The following PDLIM5 variants were observed in gnomAD, a reference collection of about 807,000 sequenced individuals.
PDLIM5 encodes PDZ and LIM domain protein 5.
Under a neutral mutation model 64.2 loss-of-function variants are expected in PDLIM5, and 34 were observed. The observed-to-expected ratio is 0.53, with a 90% CI of 0.40 to 0.71. The LOEUF is 0.71. PDLIM5 is among the 30% of genes least tolerant of loss of function. The pLI, the probability that PDLIM5 is intolerant of heterozygous loss-of-function variation, is 0.00. For missense variants in PDLIM5, 683 were observed against 733.6 expected (o/e 0.93, Z 0.80); for synonymous variants, 253 against 269.1 (o/e 0.94, Z 0.59).
intron 2 of PDLIM5, among the ~76,000 whole-genome samples, chr4:94,487,981 A>G (rs1303478088): frequency 2.0e-5 from 3 of 152,200 alleles, no homozygotes; most frequent in African/African-American, 7.2e-5. Context: ...TAAGGACACA[A>G]ATGTTTGAGA....
chr4:94,465,057 G>A (rs549022978), intron 2 of PDLIM5, among the ~76,000 whole-genome samples: 1 of 152,204 alleles, frequency 6.6e-6, no homozygotes, highest in East Asian at 1.9e-4. Context: ...AAATGGGCCC[G>A]TTTAATATAA....
At chr4:94,468,361 C>T (rs1254604296) in intron 2 of PDLIM5, among the ~76,000 whole-genome samples, 2 of 152,052 alleles carry the variant, frequency 1.3e-5, no homozygotes. Flanking sequence ...GCTTTGTTGC[C>T]CAGGCAGGTC....
At chr4:94,539,243 T>C (rs866671847) in intron 3 of PDLIM5, among the ~76,000 whole-genome samples, 2 of 152,172 alleles carry the variant, frequency 1.3e-5, no homozygotes, top group South Asian at 2.1e-4. Context: ...AGAGTACTTA[T>C]ATGTGTCTAT....
intron 2 of PDLIM5, among the ~76,000 whole-genome samples, chr4:94,508,101 A>T (rs1035308317): frequency 2.1e-4 from 31 of 148,234 alleles, no homozygotes; most frequent in Non-Finnish European, 4.0e-4. Context: ...TCTTAGTTTT[A>T]AAAAAGAAAA....
At position 94,661,882 on chromosome 4, in the gene PDLIM5, G is replaced by A. The variant is rs561945386; in HGVS notation, c.1586-540G>A. On this transcript the variant is annotated intron_variant, in intron 11 of 12. Coordinates refer to ENST00000317968, the MANE Select transcript of PDLIM5 (RefSeq NM_006457.5). Reference sequence around the variant, plus strand: ...TGTCACTAGGCTGGAGTGCAGTGGCGCGATCTCAGCTCACTGAAACCTCCA... The same window carrying A: ...TGTCACTAGGCTGGAGTGCAGTGGCACGATCTCAGCTCACTGAAACCTCCA... Among the ~76,000 whole-genome samples, 7 of 150,894 alleles carry A rather than the reference G, an allele frequency of 4.6e-5. No individual in the cohort carries two copies. The South Asian group carries it at 6.3e-4, about 14-fold the overall frequency.
chr4:94,594,510 A>G (rs1736914549), intron 7 of PDLIM5, among the ~76,000 whole-genome samples: 1 of 152,120 alleles, frequency 6.6e-6, no homozygotes, highest in South Asian at 2.1e-4. Flanking sequence ...TATTAATAAT[A>G]GAAAGTTATT....
intron 3 of PDLIM5, among the ~76,000 whole-genome samples, chr4:94,558,849 T>C (rs983466371): frequency 1.3e-5 from 2 of 152,106 alleles, no homozygotes; most frequent in Non-Finnish European, 2.9e-5. Flanking sequence ...GTAAAAAATT[T>C]AATCATAACT....
intron 5 of PDLIM5, among the ~76,000 whole-genome samples, chr4:94,576,292 C>G (rs527969284): frequency 6.6e-6 from 1 of 152,228 alleles, no homozygotes; most frequent in Non-Finnish European, 1.5e-5. Context: ...TTTTGTAAGT[C>G]CCGACACAGC....
rs6833607 is a variant in PDLIM5 at position 94,497,291 on chromosome 4, T to C, written c.97-26433T>C. 5.5e-3 allele frequency among the ~76,000 whole-genome samples: 835 copies of C among 152,342 alleles called. 5 individuals are homozygous for C. The highest frequency in any genetic ancestry group is 0.019 in the African/African-American group (775 of 41,574). On this transcript the variant is annotated intron_variant, in intron 2 of 12. Transcript: ENST00000317968. Reference sequence around the variant, plus strand: ...GCATGTCTTAACAGTAATATACTTATGATCAGTAAAATCTTTCTGCTTAGT... The same window carrying C: ...GCATGTCTTAACAGTAATATACTTACGATCAGTAAAATCTTTCTGCTTAGT...
rs778192621 is a variant in PDLIM5 at position 94,575,852 on chromosome 4, A to G, written c.528A>G (p.Ala176=). The G allele has an allele frequency of 3.7e-6, 6 of 1,614,136 alleles. No individual in the cohort carries two copies. Among genetic ancestry groups the G allele is most frequent in the African/African-American group, 1.3e-5 (1 of 75,014 alleles). ...CCGTCACTCCTCCCCTGTTCGCTGC[A>G]TCTGGACTGCATGCTAATGCCAATC... ...VAAVTPPLFA[A]SGLHANANLS... is the part of the protein sequence containing the mutation. Residue 176 remains alanine (A), a synonymous_variant, in exon 5 of 13, where the codon GCA becomes GCG. Coordinates refer to ENST00000317968, the MANE Select transcript of PDLIM5 (RefSeq NM_006457.5).
intron 3 of PDLIM5, among the ~76,000 whole-genome samples, chr4:94,542,914 A>C (rs2110188712): frequency 6.6e-6 from 1 of 152,330 alleles, no homozygotes; most frequent in South Asian, 2.1e-4. Flanking sequence ...TTACTGGGGC[A>C]CTAAATACAT....
At chr4:94,460,443 G>C (rs1488270610) in intron 2 of PDLIM5, among the ~76,000 whole-genome samples, 1 of 152,040 alleles carries the variant, frequency 6.6e-6, no homozygotes, top group Admixed American at 6.6e-5. Flanking sequence ...GGAGGAAACC[G>C]ATGTAGGGTT....
rs992222906 is a variant in PDLIM5 at position 94,465,009 on chromosome 4, A to G, written c.96+9625A>G. The stretch of plus-strand genomic sequence containing the variant: ...TGAGCTTCCCATTATCTTTTGAATT[A>G]TTACTTAATTTCTCTGGTTGGTTTT... On this transcript the variant is annotated intron_variant, in intron 2 of 12. Coordinates refer to ENST00000317968, the MANE Select transcript of PDLIM5 (RefSeq NM_006457.5). Among the ~76,000 whole-genome samples, 13 of 152,242 alleles carry G rather than the reference A, an allele frequency of 8.5e-5. No individual in the cohort carries two copies. In the East Asian group the frequency reaches 2.5e-3, roughly 29 times the overall value.
intron 5 of PDLIM5, 120 bp from the exon 6 acceptor site, chr4:94,585,443 CTG>C (rs1560721287): frequency 4.8e-6 from 3 of 619,228 alleles, no homozygotes. Context: ...GCAAAGCAAA[CTG>C]TTTATATAAA....
At chr4:94,612,467 T>A (rs1188711387) in intron 7 of PDLIM5, among the ~76,000 whole-genome samples, 1 of 152,198 alleles carries the variant, frequency 6.6e-6, no homozygotes, top group Admixed American at 6.5e-5. Context: ...CTTTGAGTAC[T>A]TGAGTACACT....
chr4:94,605,278 T>A (rs1737822975), intron 7 of PDLIM5, among the ~76,000 whole-genome samples: 2 of 152,164 alleles, frequency 1.3e-5, no homozygotes, highest in Non-Finnish European at 2.9e-5. Flanking sequence ...GGTAAATTAG[T>A]AGATGGACAA....
chr4:94,588,014 G>C (rs1267739219), intron 7 of PDLIM5: 1 of 951,656 alleles, frequency 1.1e-6, no homozygotes, highest in Non-Finnish European at 1.3e-6. Flanking sequence ...CTAAATATAT[G>C]ACCAGAAATG....
intron 3 of PDLIM5, among the ~76,000 whole-genome samples, chr4:94,529,638 A>G (rs1197517669): frequency 6.6e-6 from 1 of 152,080 alleles, no homozygotes; most frequent in Non-Finnish European, 1.5e-5. Flanking sequence ...AAGCAAACAC[A>G]TTTTCTTTCT....
At chr4:94,495,643 A>C (rs912898903) in intron 2 of PDLIM5, among the ~76,000 whole-genome samples, 19 of 152,222 alleles carry the variant, frequency 1.2e-4, no homozygotes, top group Non-Finnish European at 1.8e-4. Context: ...TAAGAAGATC[A>C]TGATGCATAT....
Sources: gnomAD v4.1 joint callset for allele counts (sites outside exome capture counted in the v4.1 genomes callset) on GRCh38, gnomAD v4.1.1 for gene constraint, MANE v1.5 for transcripts, NCBI Gene and HGNC (gene_info 2026-07-23, HGNC 2026-07-21) for gene names.